Variants in MYO18B observed in about 807,000 individuals in gnomAD.
The protein encoded by MYO18B is myosin XVIIIB, also known as unconventional myosin-XVIIIb.
A neutral mutation model predicts 273.0 loss-of-function variants in MYO18B; 204 were observed. The observed-to-expected ratio is 0.75, with a 90% CI of 0.67 to 0.84. The LOEUF (loss-of-function observed/expected upper bound fraction) is 0.84. Ranked by LOEUF, MYO18B falls within the 40% of genes least tolerant of loss-of-function variation. MYO18B has a pLI of 0.00. For missense variants in MYO18B, 3,212 were observed against 3,287.6 expected, an observed-to-expected ratio of 0.98 and a Z score of 0.56; for synonymous variants, 1,330 against 1,305.7, an observed-to-expected ratio of 1.02 and a Z score of -0.40.
At position 25,823,284 on chromosome 22, in the gene MYO18B, T is replaced by C. The variant is rs889429362; in HGVS notation, c.2522-221T>C. On this transcript the variant is annotated intron_variant, in intron 12 of 43. Transcript: ENST00000335473. ...TTAATCGCTTTGAAAAAGTAAGCAATGCAAATGGCGAGGAAGTCGGATAAG... is the reference window on the plus strand; with the variant it reads ...TTAATCGCTTTGAAAAAGTAAGCAACGCAAATGGCGAGGAAGTCGGATAAG... Among the ~76,000 whole-genome samples, 117 of 152,246 alleles carry C rather than the reference T, an allele frequency of 7.7e-4. 1 individual carries two copies. The highest frequency in any genetic ancestry group is 2.6e-3 in the African/African-American group (108 of 41,528).
chr22:25,889,861 C>G (rs931992406), intron 25 of MYO18B, among the ~76,000 whole-genome samples: 2 of 152,154 alleles, frequency 1.3e-5, no homozygotes, highest in African/African-American at 2.4e-5. Flanking sequence ...TAATTTAAAT[C>G]ACTGCATTTC....
intron 40 of MYO18B, among the ~76,000 whole-genome samples, chr22:25,999,168 T>C (rs1933655851): frequency 6.6e-6 from 1 of 152,212 alleles, no homozygotes; most frequent in Non-Finnish European, 1.5e-5. Context: ...ATCCATGCAG[T>C]AGGTGATGAA....
chr22:25,946,125 T>G lies in MYO18B; in HGVS notation c.5518-12T>G. 6.7e-7 allele frequency: 1 copy of G among 1,488,686 alleles called. No homozygotes were observed. Among genetic ancestry groups the G allele is most frequent in the South Asian group, 1.3e-5 (1 of 79,394 alleles). 92.2% of individuals were successfully genotyped at this position (1,488,686 alleles called of 1,614,324 possible). A position where few individuals can be genotyped will look rare whatever the true frequency, so the allele number is the denominator to read the frequency against. The stretch of plus-strand genomic sequence containing the variant: ...TTCTTTTCTTCTCTTCTCCACCTCT[T>G]GCCTGGTCCAGCTGGAGCAGAGTGA... On this transcript the variant is annotated splice_polypyrimidine_tract_variant and intron_variant, in intron 34 of 43. Transcript: ENST00000335473.
intron 39 of MYO18B, among the ~76,000 whole-genome samples, chr22:25,977,970 G>A (rs951707152): frequency 1.3e-5 from 2 of 152,186 alleles, no homozygotes; most frequent in African/African-American, 4.8e-5. Flanking sequence ...GATGGCCCAT[G>A]TTGGTAAGAC....
At chr22:25,804,801 C>G (rs1028428399) in intron 12 of MYO18B, among the ~76,000 whole-genome samples, 1 of 152,242 alleles carries the variant, frequency 6.6e-6, no homozygotes, top group Non-Finnish European at 1.5e-5. Context: ...GGCTCCTGAA[C>G]TTGCATTAGA....
At position 25,911,054 on chromosome 22, in the gene MYO18B, AG is replaced by A; in HGVS notation, c.5364+9del. ...GATCGGAACCCTCTGTGACCAGGTA[AG>A]GGGGAGACATTGGCAGACATTCAGA... On this transcript the variant is annotated splice_donor_5th_base_variant and intron_variant, in intron 33 of 43. Transcript: ENST00000335473. 6.3e-7 allele frequency: 1 copy of A among 1,593,720 alleles called. No homozygotes were observed. Among genetic ancestry groups the A allele is most frequent in the Non-Finnish European group, 8.6e-7 (1 of 1,168,590 alleles).
At chr22:25,853,056 G>A (rs1354972375) in intron 21 of MYO18B, among the ~76,000 whole-genome samples, 1 of 152,196 alleles carries the variant, frequency 6.6e-6, no homozygotes, top group African/African-American at 2.4e-5. Context: ...AGGATGACAT[G>A]TAATAGTATA....
At position 25,877,964 on chromosome 22, in the gene MYO18B, G is replaced by C. The variant is rs761445114; in HGVS notation, c.4230G>C (p.Glu1410Asp). 6.4e-7 allele frequency: 1 copy of C among 1,572,012 alleles called. No homozygotes were observed. Among genetic ancestry groups the C allele is most frequent in the South Asian group, 1.2e-5 (1 of 85,140 alleles). ...TCATGTGTTTGTTTTTGTAGGAGGA[G>C]CTTACAACGCTAAGACGGAAGCTAG... is the stretch of plus-strand genomic sequence containing the variant. ...GTEQLRAKEE[E>D]LTTLRRKLEK... The change falls in exon 25 of 44, where the codon GAG (glutamate) becomes GAC (aspartate). Residue 1410 changes from glutamate to aspartate, a missense_variant. Transcript: ENST00000335473.
chr22:26,059,275 G>C, the MYO18B span, among the ~76,000 whole-genome samples: 1 of 152,206 alleles, frequency 6.6e-6, no homozygotes, highest in Admixed American at 6.5e-5. Context: ...CTGGGATGAT[G>C]GATCTTGGAA....
chr22:26,039,789 C>G, the MYO18B span, among the ~76,000 whole-genome samples: 52 of 152,076 alleles, frequency 3.4e-4, no homozygotes, highest in African/African-American at 1.3e-3. Flanking sequence ...ACTCCCCTCC[C>G]AACCTTCCCC....
At chr22:25,806,634 G>A (rs890139001) in intron 12 of MYO18B, among the ~76,000 whole-genome samples, 1 of 152,254 alleles carries the variant, frequency 6.6e-6, no homozygotes, top group Non-Finnish European at 1.5e-5. Flanking sequence ...CATGGCTCAA[G>A]CCATCACTCC....
At chr22:25,787,715 G>A (rs1386005933) in intron 11 of MYO18B, among the ~76,000 whole-genome samples, 1 of 152,114 alleles carries the variant, frequency 6.6e-6, no homozygotes, top group Non-Finnish European at 1.5e-5. Flanking sequence ...AACGAGGCTG[G>A]CATTCTTGCT....
intron 12 of MYO18B, among the ~76,000 whole-genome samples, chr22:25,821,050 C>A (rs2089259569): frequency 6.6e-6 from 1 of 152,152 alleles, no homozygotes; most frequent in Non-Finnish European, 1.5e-5. Flanking sequence ...TGTATATATA[C>A]CACATTTTCT....
At chr22:25,868,863 C>G (rs900358405) in intron 22 of MYO18B, among the ~76,000 whole-genome samples, 1 of 152,196 alleles carries the variant, frequency 6.6e-6, no homozygotes, top group South Asian at 2.1e-4. Context: ...ATAGCTTTTC[C>G]CAAACTGGTG....
chr22:26,019,088 A>G (rs1935601470), intron 42 of MYO18B, among the ~76,000 whole-genome samples: 1 of 151,906 alleles, frequency 6.6e-6, no homozygotes, highest in South Asian at 2.1e-4. Flanking sequence ...ACCCTTCTCC[A>G]TGGTTTTTTT....
chr22:25,945,121 G>T (rs2092689626), intron 34 of MYO18B, among the ~76,000 whole-genome samples: 1 of 152,184 alleles, frequency 6.6e-6, no homozygotes, highest in South Asian at 2.1e-4. Context: ...TCTAGTGAAA[G>T]CTATGAACCC....
chr22:25,817,508 G>A (rs1050902280), intron 12 of MYO18B, among the ~76,000 whole-genome samples: 1 of 133,112 alleles, frequency 7.5e-6, no homozygotes, highest in Non-Finnish European at 1.6e-5. Flanking sequence ...TCTTTTGTTT[G>A]TTCTCTCAAT....
chr22:25,961,306 A>G (rs2092916168), intron 39 of MYO18B, among the ~76,000 whole-genome samples: 1 of 152,152 alleles, frequency 6.6e-6, no homozygotes, highest in South Asian at 2.1e-4. Flanking sequence ...ACAAAGTTCA[A>G]ACTGCTTCCT....
rs982953051 is a variant in MYO18B, at chr22:25,756,961, T to C, written c.-109-4023T>C. ...CTGTAATCCCAGCTACTCAGGAGGC[T>C]GAGACAGGAGAATCACTTGAACCCA... On this transcript the variant is annotated intron_variant, in intron 1 of 43. Coordinates refer to ENST00000335473, the MANE Select transcript of MYO18B (RefSeq NM_032608.7). Among the ~76,000 whole-genome samples the C allele has an allele frequency of 1.1e-4, 17 of 152,160 alleles. 1 individual carries two copies. Among genetic ancestry groups the C allele is most frequent in the Non-Finnish European group, 7.4e-5 (5 of 68,020 alleles).
Sources: gnomAD v4.1 joint callset for allele counts (sites outside exome capture counted in the v4.1 genomes callset) on GRCh38, gnomAD v4.1.1 for gene constraint, MANE v1.5 for transcripts, NCBI Gene and HGNC (gene_info 2026-07-23, HGNC 2026-07-21) for gene names.